Variants in EFNA5 observed in about 807,000 individuals in gnomAD.
EFNA5 encodes ephrin-A5.
In EFNA5, 5 loss-of-function variants were observed where a neutral mutation model predicts 22.9. The ratio of observed to expected loss-of-function variants is 0.22; its 90% CI spans 0.11 to 0.46. The LOEUF is 0.46. EFNA5 is among the 20% of genes least tolerant of loss of function. The pLI, the probability that EFNA5 is intolerant of heterozygous loss-of-function variation, is 0.99. For missense variants in EFNA5, 237 were observed against 293.3 expected (o/e 0.81, Z 1.40); for synonymous variants, 113 against 112.2 (o/e 1.01, Z -0.04).
chr5:107,387,600 C>T, intron 3 of EFNA5, 106 bp downstream of exon 3: 2 of 765,982 alleles, frequency 2.6e-6, no homozygotes, highest in Non-Finnish European at 4.4e-6. Context: ...AAACAGATAC[C>T]ACACAAGATT....
chr5:107,581,564 A>G (rs994239685), intron 1 of EFNA5, among the ~76,000 whole-genome samples: 1 of 152,224 alleles, frequency 6.6e-6, no homozygotes, highest in Non-Finnish European at 1.5e-5. Flanking sequence ...ACTAGTGACC[A>G]AGTGCTGCTA....
intron 1 of EFNA5, among the ~76,000 whole-genome samples, chr5:107,573,525 T>A (rs1268638699): frequency 8.6e-5 from 13 of 151,840 alleles, no homozygotes; most frequent in Non-Finnish European, 2.9e-5. Context: ...AAAATGAGAG[T>A]TTGTAGTCAT....
At chr5:107,483,934 T>G (rs1344527969) in intron 1 of EFNA5, among the ~76,000 whole-genome samples, 1 of 152,304 alleles carries the variant, frequency 6.6e-6, no homozygotes, top group South Asian at 2.1e-4. Context: ...GAGACACTTT[T>G]CAGGTGGCAG....
chr5:107,664,147 T>A (rs542623913), intron 1 of EFNA5, among the ~76,000 whole-genome samples: 1 of 152,182 alleles, frequency 6.6e-6, no homozygotes, highest in Non-Finnish European at 1.5e-5. Flanking sequence ...CTCAAATTTT[T>A]CAATTAGAAA....
chr5:107,510,338 T>G (rs919529582), intron 1 of EFNA5, among the ~76,000 whole-genome samples: 1 of 152,192 alleles, frequency 6.6e-6, no homozygotes, highest in African/African-American at 2.4e-5. Flanking sequence ...CAGGAATTGT[T>G]CACCCTTTCC....
At chr5:107,504,819 C>T (rs934009787) in intron 1 of EFNA5, among the ~76,000 whole-genome samples, 3 of 152,082 alleles carry the variant, frequency 2.0e-5, no homozygotes, top group Admixed American at 1.3e-4. Context: ...CTAGTAGACT[C>T]TGAATTTTAA....
chr5:107,593,070 C>T lies in EFNA5; in HGVS notation c.125+77419G>A, dbSNP rs144701621. On this transcript the variant is annotated intron_variant, in intron 1 of 4. Coordinates refer to ENST00000333274, the MANE Select transcript of EFNA5 (RefSeq NM_001962.3). ...GGGATTGTGGCATGAGATCTCTGCT[C>T]ATGCTCCTAGTTAGCAGTTCTTATG... Among the ~76,000 whole-genome samples, 630 of 152,340 alleles carry T rather than the reference C, an allele frequency of 4.1e-3. 5 individuals are homozygous for T. Among genetic ancestry groups the T allele is most frequent in the African/African-American group, 0.014 (572 of 41,586 alleles).
chr5:107,399,001 C>G (rs762338508), intron 2 of EFNA5, among the ~76,000 whole-genome samples: 1 of 151,998 alleles, frequency 6.6e-6, no homozygotes, highest in Non-Finnish European at 1.5e-5. Flanking sequence ...GGTCCTTGTC[C>G]GAGAACTAGA....
At chr5:107,406,037 A>G (rs188303239) in intron 2 of EFNA5, among the ~76,000 whole-genome samples, 2 of 79,300 alleles carry the variant, frequency 2.5e-5, no homozygotes, top group African/African-American at 4.5e-5. Context: ...AAAAATACCT[A>G]TATTTGTATA....
At chr5:107,666,899 T>A (rs1751089128) in intron 1 of EFNA5, among the ~76,000 whole-genome samples, 1 of 152,142 alleles carries the variant, frequency 6.6e-6, no homozygotes, top group African/African-American at 2.4e-5. Context: ...ATGACTCTCT[T>A]TATAAGCATA....
intron 1 of EFNA5, among the ~76,000 whole-genome samples, chr5:107,489,868 T>C (rs1746753672): frequency 6.6e-6 from 1 of 152,234 alleles, no homozygotes; most frequent in African/African-American, 2.4e-5. Context: ...GTGCTAGGAA[T>C]GCAACATCCT....
chr5:107,661,677 T>C (rs965363749), intron 1 of EFNA5, among the ~76,000 whole-genome samples: 7 of 152,224 alleles, frequency 4.6e-5, no homozygotes, highest in African/African-American at 1.7e-4. Context: ...TTTTTCCTTT[T>C]CCCCCCATTC....
At chr5:107,656,773 G>A (rs978079067) in intron 1 of EFNA5, among the ~76,000 whole-genome samples, 1 of 151,856 alleles carries the variant, frequency 6.6e-6, no homozygotes, top group Non-Finnish European at 1.5e-5. Context: ...TATTTATTAG[G>A]GTGAAGAAAC....
At chr5:107,435,976 A>G (rs1749100098) in intron 1 of EFNA5, among the ~76,000 whole-genome samples, 1 of 152,216 alleles carries the variant, frequency 6.6e-6, no homozygotes, top group East Asian at 1.9e-4. Context: ...TTATTATACT[A>G]CCCTGTCACT....
chr5:107,630,561 G>C (rs1275684782), intron 1 of EFNA5, among the ~76,000 whole-genome samples: 6 of 152,104 alleles, frequency 3.9e-5, no homozygotes, highest in Non-Finnish European at 7.4e-5. Context: ...TGTGGAACTG[G>C]AAGTTGCTCT....
intron 1 of EFNA5, among the ~76,000 whole-genome samples, chr5:107,660,475 T>C (rs1268934757): frequency 6.6e-6 from 1 of 151,178 alleles, no homozygotes; most frequent in Admixed American, 6.6e-5. Flanking sequence ...AAGAACACTA[T>C]CATGTCTGTA....
chr5:107,419,381 C>A (rs1748594822), intron 2 of EFNA5, among the ~76,000 whole-genome samples: 1 of 152,124 alleles, frequency 6.6e-6, no homozygotes, highest in Non-Finnish European at 1.5e-5. Context: ...TCACTAAAGA[C>A]CTGTGGGAGT....
At chr5:107,607,305 G>A (rs780354069) in intron 1 of EFNA5, among the ~76,000 whole-genome samples, 5 of 152,132 alleles carry the variant, frequency 3.3e-5, no homozygotes, top group African/African-American at 4.8e-5. Context: ...AAGCACACTC[G>A]CACACACTTA....
At chr5:107,527,851 C>T (rs747967464) in intron 1 of EFNA5, among the ~76,000 whole-genome samples, 1 of 152,076 alleles carries the variant, frequency 6.6e-6, no homozygotes, top group Non-Finnish European at 1.5e-5. Context: ...TGACTGACAA[C>T]AACCACGTCA....
Sources: allele counts gnomAD v4.1 joint callset (sites outside exome capture counted in the v4.1 genomes callset), GRCh38; gene constraint gnomAD v4.1.1; transcripts MANE v1.5; gene names NCBI Gene and HGNC (gene_info 2026-07-23, HGNC 2026-07-21).